The following P2RX7 variants were observed in gnomAD, a reference collection of about 807,000 sequenced individuals.
The protein encoded by P2RX7 is purinergic receptor P2X 7.
Under a neutral mutation model 71.6 loss-of-function variants are expected in P2RX7, and 62 were observed. The ratio of observed to expected loss-of-function variants is 0.87; its 90% CI spans 0.71 to 1.07. The LOEUF (loss-of-function observed/expected upper bound fraction) is 1.07, where lower values mean the gene tolerates loss of function less well. P2RX7 is among the 50% of genes least tolerant of loss of function. P2RX7 has a pLI of 0.00. For synonymous variants in P2RX7, 299 were observed against 283.3 expected (o/e 1.06, Z -0.56); for missense variants, 686 against 748.5 (o/e 0.92, Z 0.97).
rs1565948936 is a variant in P2RX7 at position 121,154,290 on chromosome 12, C to CCA, written c.126-495_126-494insCA. On this transcript the variant is annotated intron_variant, in intron 1 of 12. Transcript: ENST00000328963. This position sits in a 1 kb window ranked among gnomAD's most constrained non-coding sequence, Gnocchi z 4.2. The stretch of plus-strand genomic sequence containing the variant: ...GGGCAACAAGAGCAAAACTCTGTTT[C>CCA]AAAAAAAAAAAAAGAGAGAGAGAGA... Among the ~76,000 whole-genome samples the CCA allele has an allele frequency of 7.8e-6, 1 of 127,788 alleles. No homozygotes were observed. Among genetic ancestry groups the CCA allele is most frequent in the African/African-American group, 2.9e-5 (1 of 34,406 alleles). 83.8% of individuals were successfully genotyped at this position (127,788 alleles called of 152,430 possible). A position where few individuals can be genotyped will look rare whatever the true frequency, so the allele number is the denominator to read the frequency against.
intron 1 of P2RX7, among the ~76,000 whole-genome samples, chr12:121,141,852 T>C (rs1464620107): frequency 6.6e-6 from 1 of 152,178 alleles, no homozygotes; most frequent in Non-Finnish European, 1.5e-5. Flanking sequence ...CTCTGTGTTA[T>C]GCGTTCCACC....
chr12:121,136,023 A>AAAAAAAAATATATATATAT, intron 1 of P2RX7, among the ~76,000 whole-genome samples: 21 of 15,256 alleles, frequency 1.4e-3, no homozygotes, highest in East Asian at 3.9e-3. Context: ...AAAAAAAAAA[A>AAAAAAAAATATATATATAT]ATATATATAT....
In P2RX7 at chr12:121,181,717, C is replaced by T. The variant is rs185502704; in HGVS notation, c.1290+1262C>T. Among the ~76,000 whole-genome samples, 1,093 of 152,000 alleles carry T rather than the reference C, an allele frequency of 7.2e-3. 12 individuals are homozygous for T. The highest frequency in any genetic ancestry group is 0.025 in the African/African-American group (1,028 of 41,436). ...CTAAAAATACAAAAAAATAGCCAGG[C>T]ATGGTGGCGGGCGACTGTAGTCCCA... On this transcript the variant is annotated intron_variant, in intron 12 of 12. Coordinates refer to ENST00000328963, the MANE Select transcript of P2RX7 (RefSeq NM_002562.6).
intron 5 of P2RX7, 34 bp from the exon 6 acceptor site, chr12:121,165,318 CCCCGT>C: frequency 3.9e-6 from 6 of 1,551,902 alleles, no homozygotes; most frequent in Non-Finnish European, 4.4e-6. Flanking sequence ...CCTCGGTTCC[CCCCGT>C]CACTAATGGC....
rs1434014962 is a variant in P2RX7, at chr12:121,186,378, A to G, written c.*1576A>G. The G allele has an allele frequency of 2.0e-5, 3 of 152,264 alleles. No homozygotes were observed. The highest frequency in any genetic ancestry group is 2.9e-5 in the Non-Finnish European group (2 of 68,076). The allele number at this position is 152,264 out of a possible 1,614,324, so 9.4% of individuals were successfully genotyped here. A position where few individuals can be genotyped will look rare whatever the true frequency, so the allele number is the denominator to read the frequency against. ...GAGGGCAAGCCTGATGAATGGGCACACAGACTCAGCCCATACCTTCCCTGG... is the reference window on the plus strand; with the variant it reads ...GAGGGCAAGCCTGATGAATGGGCACGCAGACTCAGCCCATACCTTCCCTGG... On this transcript the variant is annotated 3_prime_UTR_variant, in exon 13 of 13. Transcript: ENST00000328963.
chr12:121,177,582 C>T (rs1883374455), intron 11 of P2RX7, 136 bp downstream of exon 11: 1 of 819,304 alleles, frequency 1.2e-6, no homozygotes, highest in Admixed American at 2.8e-5. Flanking sequence ...CCCGATCAAC[C>T]AACTCTCAGA....
intron 8 of P2RX7, 78 bp from the exon 9 acceptor site, chr12:121,175,310 C>CAAA (rs370710698): frequency 0.016 from 7,623 of 464,898 alleles, 64 homozygotes; most frequent in Non-Finnish European, 0.02. Context: ...GACCCTGTCT[C>CAAA]AAAAAAAAAA....
At chr12:121,181,304 C>A (rs1025145977) in intron 12 of P2RX7, among the ~76,000 whole-genome samples, 25 of 152,202 alleles carry the variant, frequency 1.6e-4, no homozygotes, top group Non-Finnish European at 5.9e-5. Flanking sequence ...AGCCATCCTA[C>A]TGTTGATGGA....
In P2RX7 at chr12:121,162,418, C is replaced by G; in HGVS notation, c.437-6C>G. ...CTGTGGTTCTACGATGCTTTGACCC[C>G]TATAGGAATTCAGACCGGAAGGTGT... On this transcript the variant is annotated splice_region_variant and splice_polypyrimidine_tract_variant and intron_variant, in intron 4 of 12. Coordinates refer to ENST00000328963, the MANE Select transcript of P2RX7 (RefSeq NM_002562.6). The G allele has an allele frequency of 6.2e-7, 1 of 1,613,768 alleles. No individual in the cohort carries two copies. Among genetic ancestry groups the G allele is most frequent in the Admixed American group, 1.7e-5 (1 of 60,002 alleles).
chr12:121,160,024 T>C (rs567085735), intron 3 of P2RX7, among the ~76,000 whole-genome samples: 1 of 152,372 alleles, frequency 6.6e-6, no homozygotes, highest in South Asian at 2.1e-4. Context: ...TACGGTTCAG[T>C]GGTTTTTAGT....
chr12:121,175,404 A>G lies in P2RX7; in HGVS notation c.898A>G (p.Lys300Glu), dbSNP rs1258339962. 6.2e-7 allele frequency: 1 copy of G among 1,606,260 alleles called. No individual in the cohort carries two copies. The highest frequency in any genetic ancestry group is 8.5e-7 in the Non-Finnish European group (1 of 1,172,994). Residue 300 changes from lysine (K) to glutamate (E), a missense_variant, in exon 9 of 13, where the codon AAG becomes GAG. Lys to Glu is a moderately conservative substitution (Grantham distance 56). Transcript: ENST00000328963. Reference protein sequence around the residue: ...GYNFRYAKYYKENNVEKRTLI... With the variant: ...GYNFRYAKYYEENNVEKRTLI... ...TTCCTACAGATACGCCAAGTACTAC[A>G]AGGAAAACAATGTTGAGAAACGGAC...
At chr12:121,169,715 G>A (rs1232216248) in intron 8 of P2RX7, among the ~76,000 whole-genome samples, 1 of 152,148 alleles carries the variant, frequency 6.6e-6, no homozygotes, top group Admixed American at 6.5e-5. Context: ...AGGCTAGCCT[G>A]GGCAACATAG....
At chr12:121,172,777 C>T (rs1208303020) in intron 8 of P2RX7, among the ~76,000 whole-genome samples, 2 of 152,186 alleles carry the variant, frequency 1.3e-5, no homozygotes, top group Non-Finnish European at 2.9e-5. Flanking sequence ...AATATCTGAT[C>T]GATTTCAATG....
At chr12:121,157,415 C>T (rs190563459) in intron 3 of P2RX7, among the ~76,000 whole-genome samples, 15 of 152,284 alleles carry the variant, frequency 9.9e-5, no homozygotes, top group South Asian at 2.1e-4. Context: ...GATAACACTC[C>T]GTCTAAAAGG....
rs754768143 is a variant in P2RX7 at position 121,160,888 on chromosome 12, CCTT to C, written c.364-11_364-9del. On this transcript the variant is annotated splice_polypyrimidine_tract_variant and intron_variant, in intron 3 of 12. Transcript: ENST00000328963. ...CGTCACTTACTCCCCACTCTGTCAT[CCTT>C]CTATCTGCAGTATCCCACCCGCAGG... 3.1e-6 allele frequency: 5 copies of C among 1,606,520 alleles called. No individual in the cohort carries two copies. The highest frequency in any genetic ancestry group is 4.3e-6 in the Non-Finnish European group (5 of 1,173,110).
chr12:121,182,411 T>C (rs1884289876), intron 12 of P2RX7, among the ~76,000 whole-genome samples: 1 of 152,208 alleles, frequency 6.6e-6, no homozygotes, highest in African/African-American at 2.4e-5. Flanking sequence ...TGTGGTTGTC[T>C]GAATATCATG....
Position 121,167,479 on chromosome 12 carries a change from A to T in P2RX7, c.745-9A>T. 1 of 1,613,692 alleles carries T rather than the reference A, an allele frequency of 6.2e-7. No individual in the cohort carries two copies. The highest frequency in any genetic ancestry group is 1.3e-5 in the African/African-American group (1 of 74,976). The stretch of plus-strand genomic sequence containing the variant: ...CAGCCATAGAGACTGTCCCTTGTTG[A>T]TCCTTCAGGGCGGAATAATGGGCAT... On this transcript the variant is annotated splice_polypyrimidine_tract_variant and intron_variant, in intron 7 of 12. Transcript: ENST00000328963.
chr12:121,180,440 G>T lies in P2RX7; in HGVS notation c.1275G>T (p.Lys425Asn), dbSNP rs913515892. Residue 425 changes from lysine (K) to asparagine (N), a missense_variant, in exon 12 of 13, where the codon AAG becomes AAT. Coordinates refer to ENST00000328963, the MANE Select transcript of P2RX7 (RefSeq NM_002562.6). ...QLLGRSLQDV[K>N]GQEVPRPAMD... ...TAGGGAGAAGTCTGCAAGATGTCAA[G>T]GGCCAAGAAGTCCCAGTAAGTTAAA... 8.9e-6 allele frequency: 14 copies of T among 1,573,274 alleles called. No homozygotes were observed. The highest frequency in any genetic ancestry group is 3.8e-5 in the Admixed American group (2 of 53,146).
At chr12:121,138,978 G>A (rs1446818686) in intron 1 of P2RX7, among the ~76,000 whole-genome samples, 1 of 152,146 alleles carries the variant, frequency 6.6e-6, no homozygotes, top group Non-Finnish European at 1.5e-5. Context: ...TCTCACTCTG[G>A]TTACCGAGAC....
Sources: allele counts gnomAD v4.1 joint callset (sites outside exome capture counted in the v4.1 genomes callset), GRCh38; gene constraint gnomAD v4.1.1; non-coding constraint Gnocchi (gnomAD v3.1); transcripts MANE v1.5; gene names NCBI Gene and HGNC (gene_info 2026-07-23, HGNC 2026-07-21).